Variants in PPP2R2B observed in about 807,000 individuals in gnomAD.
The protein encoded by PPP2R2B is serine/threonine-protein phosphatase 2A 55 kDa regulatory subunit B beta isoform.
A neutral mutation model predicts 46.0 loss-of-function variants in PPP2R2B; 5 were observed. That is an observed-to-expected ratio of 0.11 (90% CI 0.06 to 0.23). The LOEUF is 0.23. Ranked by LOEUF, PPP2R2B falls within the 10% of genes least tolerant of loss-of-function variation. The pLI is 1.00. For synonymous variants in PPP2R2B, 215 were observed against 206.7 expected (o/e 1.04, Z -0.34); for missense variants, 367 against 575.0 (o/e 0.64, Z 3.70).
At chr5:146,603,145 A>T (rs1167682519) in intron 7 of PPP2R2B, among the ~76,000 whole-genome samples, 1 of 152,148 alleles carries the variant, frequency 6.6e-6, no homozygotes, top group African/African-American at 2.4e-5. Flanking sequence ...TAAGCTTGGT[A>T]CGCAGTAGGT....
chr5:146,808,124 C>T (rs1757301878), intron 2 of PPP2R2B, among the ~76,000 whole-genome samples: 1 of 152,050 alleles, frequency 6.6e-6, no homozygotes, highest in African/African-American at 2.4e-5. Context: ...TATTCTCACT[C>T]CACCTTTGTG....
At chr5:146,771,008 C>T (rs1267038482) in intron 2 of PPP2R2B, among the ~76,000 whole-genome samples, 2 of 152,234 alleles carry the variant, frequency 1.3e-5, no homozygotes, top group South Asian at 2.1e-4. Flanking sequence ...CTACCAGGCG[C>T]ATTTTGAAAA....
At chr5:146,896,321 A>G (rs1314823342) in intron 1 of PPP2R2B, among the ~76,000 whole-genome samples, 1 of 152,152 alleles carries the variant, frequency 6.6e-6, no homozygotes, top group Non-Finnish European at 1.5e-5. Context: ...GGTATTATTA[A>G]CTATCATTGA....
Position 146,593,065 on chromosome 5 carries a change from G to A in PPP2R2B, c.961-3C>T, listed in dbSNP as rs368510943. ...TTGCTGCGGAGGTAGTCATGAACCTGGAGAGGAAACATATCGAGAAGGTCA... is the reference window on the plus strand; with the variant it reads ...TTGCTGCGGAGGTAGTCATGAACCTAGAGAGGAAACATATCGAGAAGGTCA... On this transcript the variant is annotated splice_polypyrimidine_tract_variant and splice_region_variant and intron_variant, in intron 8 of 9. Coordinates refer to ENST00000394411, the MANE Select transcript of PPP2R2B (RefSeq NM_181675.4). 7.5e-5 allele frequency: 120 copies of A among 1,606,040 alleles called. No homozygotes were observed. Among genetic ancestry groups the A allele is most frequent in the Non-Finnish European group, 1.0e-4 (117 of 1,172,742 alleles).
At chr5:146,853,407 A>G (rs760493374) in intron 2 of PPP2R2B, among the ~76,000 whole-genome samples, 4 of 152,136 alleles carry the variant, frequency 2.6e-5, no homozygotes, top group Non-Finnish European at 5.9e-5. Flanking sequence ...TAGATTATGA[A>G]TAGTATAGTA....
chr5:146,729,359 A>T (rs894008427), intron 2 of PPP2R2B, among the ~76,000 whole-genome samples: 8 of 152,226 alleles, frequency 5.3e-5, no homozygotes, highest in African/African-American at 1.9e-4. Context: ...TTAGTTTTAA[A>T]AGGGAAACAG....
At chr5:147,036,010 C>A (rs1490808827) in intron 1 of PPP2R2B, among the ~76,000 whole-genome samples, 1 of 152,082 alleles carries the variant, frequency 6.6e-6, no homozygotes, top group African/African-American at 2.4e-5. Context: ...AAATTTCCAA[C>A]TTTTATTTTA....
intron 5 of PPP2R2B, among the ~76,000 whole-genome samples, chr5:146,662,359 C>T (rs991854220): frequency 6.6e-6 from 1 of 152,194 alleles, no homozygotes; most frequent in Non-Finnish European, 1.5e-5. Flanking sequence ...GTAGTAATTA[C>T]TAGCAACACT....
At chr5:146,687,759 T>C (rs1390431856) in intron 5 of PPP2R2B, among the ~76,000 whole-genome samples, 1 of 152,224 alleles carries the variant, frequency 6.6e-6, no homozygotes, top group Non-Finnish European at 1.5e-5. Context: ...AAAGATATAG[T>C]CACATTCTTG....
chr5:146,761,164 A>G lies in PPP2R2B; in HGVS notation c.71-60022T>C, dbSNP rs1325128614. Among the ~76,000 whole-genome samples the G allele has an allele frequency of 3.9e-5, 6 of 152,138 alleles. No homozygotes were observed. The East Asian group carries it at 5.8e-4, about 15-fold the overall frequency. On this transcript the variant is annotated intron_variant, in intron 2 of 9. Coordinates refer to ENST00000394411, the MANE Select transcript of PPP2R2B (RefSeq NM_181675.4). ...TTTGACCCAGCCATCCCATTACTGGATATATACCCAAAGGATTATAAATCA... is the reference window on the plus strand; with the variant it reads ...TTTGACCCAGCCATCCCATTACTGGGTATATACCCAAAGGATTATAAATCA...
chr5:146,631,376 C>T (rs1245993314), intron 7 of PPP2R2B, among the ~76,000 whole-genome samples: 1 of 152,230 alleles, frequency 6.6e-6, no homozygotes, highest in Admixed American at 6.5e-5. Context: ...TCTTTGTCCA[C>T]ATATACTTAT....
At position 146,852,132 on chromosome 5, in the gene PPP2R2B, C is replaced by A. The variant is rs80192862; in HGVS notation, c.70+25870G>T. Among the ~76,000 whole-genome samples the A allele has an allele frequency of 3.9e-5, 6 of 152,062 alleles. 1 individual carries two copies. Among genetic ancestry groups the A allele is most frequent in the African/African-American group, 1.4e-4 (6 of 41,482 alleles). The stretch of plus-strand genomic sequence containing the variant: ...AACCAAAGCCACAGAGAAAGGGGAC[C>A]AATAACAGCATCCTCTTCATTCCAT... On this transcript the variant is annotated intron_variant, in intron 2 of 9. Coordinates refer to ENST00000394411, the MANE Select transcript of PPP2R2B (RefSeq NM_181675.4).
intron 1 of PPP2R2B, among the ~76,000 whole-genome samples, chr5:146,955,919 C>T (rs931354311): frequency 1.8e-4 from 28 of 151,476 alleles, no homozygotes; most frequent in Non-Finnish European, 3.5e-4. Context: ...GCTGGGATTA[C>T]AGATGCCCAC....
At chr5:146,683,645 C>T (rs1299042861) in intron 5 of PPP2R2B, among the ~76,000 whole-genome samples, 2 of 152,160 alleles carry the variant, frequency 1.3e-5, no homozygotes, top group Admixed American at 6.5e-5. Flanking sequence ...TGTCTCTGAA[C>T]ATTAGCCAAA....
chr5:147,026,456 A>G (rs997401667), intron 1 of PPP2R2B, among the ~76,000 whole-genome samples: 10 of 152,240 alleles, frequency 6.6e-5, no homozygotes, highest in African/African-American at 2.4e-4. Context: ...AAAGGGATGG[A>G]TTACAAAGAG....
At chr5:147,064,861 G>A (rs1000676107) in intron 2 of PPP2R2B, among the ~76,000 whole-genome samples, 2 of 152,270 alleles carry the variant, frequency 1.3e-5, no homozygotes, top group East Asian at 3.9e-4. Context: ...CACTGACAAG[G>A]AGTTGAACTT....
At position 146,702,472 on chromosome 5, in the gene PPP2R2B, A is replaced by C. The variant is rs1779597829; in HGVS notation, c.71-1330T>G. The stretch of plus-strand genomic sequence containing the variant: ...CTAGATAGCAAATACAAAGGCCTGC[A>C]GGGCCACAAAGTAACATAGGTGAAC... On this transcript the variant is annotated intron_variant, in intron 2 of 9. Coordinates refer to ENST00000394411, the MANE Select transcript of PPP2R2B (RefSeq NM_181675.4). Among the ~76,000 whole-genome samples, 10 of 152,336 alleles carry C rather than the reference A, an allele frequency of 6.6e-5. No individual in the cohort carries two copies. The South Asian group carries it at 2.1e-3, about 32-fold the overall frequency.
At chr5:146,805,319 GA>G (rs1404862375) in intron 2 of PPP2R2B, among the ~76,000 whole-genome samples, 3 of 152,104 alleles carry the variant, frequency 2.0e-5, no homozygotes, top group African/African-American at 7.2e-5. Context: ...CTGACTCAAG[GA>G]ACATTCACCC....
At chr5:147,031,161 C>A (rs1218780556) in intron 1 of PPP2R2B, among the ~76,000 whole-genome samples, 1 of 151,806 alleles carries the variant, frequency 6.6e-6, no homozygotes, top group Non-Finnish European at 1.5e-5. Flanking sequence ...GGCGTGAACC[C>A]GGGAGGCGGA....
Sources: allele counts gnomAD v4.1 joint callset (sites outside exome capture counted in the v4.1 genomes callset), GRCh38; gene constraint gnomAD v4.1.1; transcripts MANE v1.5; gene names NCBI Gene and HGNC (gene_info 2026-07-23, HGNC 2026-07-21).